The following CFH variants were observed in gnomAD, a reference collection of about 807,000 sequenced individuals.
CFH encodes the protein complement factor H.
Under a neutral mutation model 147.3 loss-of-function variants are expected in CFH, and 53 were observed. The observed-to-expected ratio is 0.36, with a 90% CI of 0.29 to 0.45. CFH has a LOEUF of 0.45. CFH is among the 20% of genes least tolerant of loss of function. CFH has a pLI of 1.00. For synonymous variants in CFH, 536 were observed against 489.4 expected, an observed-to-expected ratio of 1.10 and a Z score of -1.26; for missense variants, 1,380 against 1,498.0, an observed-to-expected ratio of 0.92 and a Z score of 1.30.
At chr1:196,737,340 A>T in intron 16 of CFH, 135 bp from the exon 17 acceptor site, 1 of 689,048 alleles carries the variant, frequency 1.5e-6, no homozygotes, top group South Asian at 1.9e-5. Flanking sequence ...GCGAGTTTCT[A>T]ATATGTTTTT....
intron 1 of CFH, among the ~76,000 whole-genome samples, chr1:196,662,120 G>A (rs1395593616): frequency 1.3e-5 from 2 of 152,154 alleles, no homozygotes; most frequent in Non-Finnish European, 2.9e-5. Flanking sequence ...AGATTACCTA[G>A]AATGATCAGC....
chr1:196,741,668 T>C (rs965225025), intron 18 of CFH: 1 of 554,632 alleles, frequency 1.8e-6, no homozygotes, highest in African/African-American at 1.9e-5. Flanking sequence ...AGTCTTCTAA[T>C]ATCATTTCTA....
chr1:196,745,934 A>G lies in CFH; in HGVS notation c.3428A>G (p.Gln1143Arg). Residue 1143 changes from glutamine to arginine, a missense_variant, in exon 21 of 22, where the codon CAA becomes CGA. By Grantham distance (43) the Gln-to-Arg change is conservative (BLOSUM62 1). Transcript: ENST00000367429. ...SVEYQCQNLY[Q>R]LEGNKRITCR... ...GAGTACCAATGCCAGAACTTGTATC[A>G]ACTTGAGGGTAACAAGCGAATAACA... 6.2e-7 allele frequency: 1 copy of G among 1,614,124 alleles called. No individual in the cohort carries two copies. Among genetic ancestry groups the G allele is most frequent in the Middle Eastern group, 1.6e-4 (1 of 6,062 alleles).
At chr1:196,703,591 CT>C (rs1482093618) in intron 9 of CFH, among the ~76,000 whole-genome samples, 2 of 152,134 alleles carry the variant, frequency 1.3e-5, no homozygotes, top group Admixed American at 1.3e-4. Flanking sequence ...GTGGTCTAAA[CT>C]TTCCTCAGAA....
At chr1:196,657,936 A>G (rs1666759937) in intron 1 of CFH, among the ~76,000 whole-genome samples, 1 of 152,146 alleles carries the variant, frequency 6.6e-6, no homozygotes, top group African/African-American at 2.4e-5. Flanking sequence ...CATTTGAATA[A>G]AAACACTTTT....
chr1:196,714,635 G>GTGTATATATGTATATATATATATA (rs1392624278), intron 10 of CFH, among the ~76,000 whole-genome samples: 1 of 24,924 alleles, frequency 4.0e-5, no homozygotes, highest in African/African-American at 1.7e-4. Context: ...ACGTATATAT[G>GTGTATATATGTATATATATATATA]TATATATATA....
intron 6 of CFH, among the ~76,000 whole-genome samples, chr1:196,681,029 C>T (rs1432018927): frequency 6.6e-6 from 1 of 151,820 alleles, no homozygotes; most frequent in Admixed American, 6.6e-5. Context: ...GTCTTCATGG[C>T]ATTCGTAGTT....
intron 9 of CFH, among the ~76,000 whole-genome samples, chr1:196,713,112 A>T (rs1668763076): frequency 6.6e-6 from 1 of 152,202 alleles, no homozygotes; most frequent in African/African-American, 2.4e-5. Flanking sequence ...TTCTATCATC[A>T]GTTAACAGAA....
intron 1 of CFH, among the ~76,000 whole-genome samples, chr1:196,653,560 T>C (rs1037089354): frequency 2.0e-5 from 3 of 152,004 alleles, no homozygotes; most frequent in African/African-American, 7.2e-5. Context: ...AAGGGAGATT[T>C]GTTTTATTTC....
chr1:196,686,256 C>A (rs967195127), intron 7 of CFH, among the ~76,000 whole-genome samples: 3 of 152,096 alleles, frequency 2.0e-5, no homozygotes, highest in Non-Finnish European at 4.4e-5. Flanking sequence ...ACACTGTTAA[C>A]TTCAGCCATA....
At chr1:196,652,210 A>G (rs763825724) in intron 1 of CFH, 35 bp downstream of exon 1, 26 of 1,470,968 alleles carry the variant, frequency 1.8e-5, no homozygotes, top group Middle Eastern at 1.8e-4. Context: ...TGAAAACTGT[A>G]TTATGAAACA....
At chr1:196,729,354 T>C (rs557634803) in intron 15 of CFH, among the ~76,000 whole-genome samples, 1 of 152,224 alleles carries the variant, frequency 6.6e-6, no homozygotes, top group Admixed American at 6.6e-5. Flanking sequence ...AAAATGATCG[T>C]ATAGTTATCG....
At chr1:196,691,062 T>G (rs1668006066) in intron 9 of CFH, among the ~76,000 whole-genome samples, 1 of 152,082 alleles carries the variant, frequency 6.6e-6, no homozygotes, top group Non-Finnish European at 1.5e-5. Flanking sequence ...GAAAATGATT[T>G]GGGGGCTGCC....
intron 1 of CFH, among the ~76,000 whole-genome samples, chr1:196,670,731 T>A (rs963081513): frequency 2.6e-5 from 4 of 152,220 alleles, no homozygotes; most frequent in African/African-American, 9.6e-5. Context: ...AATCTGCTTT[T>A]AAGATTTTGC....
intron 9 of CFH, among the ~76,000 whole-genome samples, chr1:196,690,694 T>C (rs182284807): frequency 1.1e-4 from 16 of 152,228 alleles, no homozygotes; most frequent in African/African-American, 3.6e-4. Flanking sequence ...AGTGAATCCC[T>C]GCCCCTGGTG....
chr1:196,694,831 A>C (rs1331261442), intron 9 of CFH, among the ~76,000 whole-genome samples: 1 of 152,088 alleles, frequency 6.6e-6, no homozygotes, highest in East Asian at 1.9e-4. Context: ...CATATCCTTC[A>C]CCTACTTTTT....
Position 196,662,632 on chromosome 1 carries a change from A to T in CFH, c.59-10346A>T, listed in dbSNP as rs550701056. Among the ~76,000 whole-genome samples, 166 of 152,242 alleles carry T rather than the reference A, an allele frequency of 1.1e-3. 1 individual carries two copies. The highest frequency in any genetic ancestry group is 3.1e-3 in the African/African-American group (130 of 41,526). ...CACGGTGGCTCACTCCTGCAATCCC[A>T]GCATTTTGGGAGGCTAAGGTGAGTG... On this transcript the variant is annotated intron_variant, in intron 1 of 21. Transcript: ENST00000367429.
chr1:196,664,447 G>T (rs975402692), intron 1 of CFH, among the ~76,000 whole-genome samples: 25 of 152,114 alleles, frequency 1.6e-4, no homozygotes, highest in African/African-American at 6.0e-4. Flanking sequence ...TTGTGAAATA[G>T]CCAGACAATA....
intron 17 of CFH, among the ~76,000 whole-genome samples, chr1:196,738,868 A>G (rs1191957146): frequency 6.6e-6 from 1 of 152,208 alleles, no homozygotes; most frequent in Non-Finnish European, 1.5e-5. Flanking sequence ...TCAATGGCCT[A>G]GCAGAGGTTC....
Sources: gnomAD v4.1 joint callset for allele counts (sites outside exome capture counted in the v4.1 genomes callset) on GRCh38, gnomAD v4.1.1 for gene constraint, MANE v1.5 for transcripts, NCBI Gene and HGNC (gene_info 2026-07-23, HGNC 2026-07-21) for gene names.